CNTNAP4: variants seen among roughly 807,000 people sequenced by gnomAD.
CNTNAP4 encodes the protein contactin associated protein family member 4.
A neutral mutation model predicts 148.4 loss-of-function variants in CNTNAP4; 98 were observed. The ratio of observed to expected loss-of-function variants is 0.66; its 90% CI spans 0.56 to 0.78. The LOEUF is 0.78. CNTNAP4 is among the 30% of genes least tolerant of loss of function. CNTNAP4 has a pLI of 0.00. For synonymous variants in CNTNAP4, 730 were observed against 565.1 expected (o/e 1.29, Z -4.14); for missense variants, 1,935 against 1,565.6 (o/e 1.24, Z -3.98).
chr16:76,526,954 G>A (rs1568516054), intron 17 of CNTNAP4, among the ~76,000 whole-genome samples: 1 of 152,160 alleles, frequency 6.6e-6, no homozygotes, highest in Non-Finnish European at 1.5e-5. Flanking sequence ...GATTACAGGT[G>A]TGAGGCACCG....
At chr16:76,373,205 A>C (rs2015039415) in intron 3 of CNTNAP4, among the ~76,000 whole-genome samples, 1 of 151,768 alleles carries the variant, frequency 6.6e-6, no homozygotes, top group Non-Finnish European at 1.5e-5. Flanking sequence ...ATAGGTGAAT[A>C]TATTCCACAT....
intron 1 of CNTNAP4, among the ~76,000 whole-genome samples, chr16:76,302,335 A>T (rs1323801768): frequency 1.3e-5 from 2 of 152,176 alleles, no homozygotes; most frequent in African/African-American, 4.8e-5. Flanking sequence ...ATCTCATCTA[A>T]GGCTTGGGAT....
intron 15 of CNTNAP4, among the ~76,000 whole-genome samples, chr16:76,517,946 T>C (rs1051167987): frequency 4.6e-5 from 7 of 152,178 alleles, no homozygotes; most frequent in African/African-American, 1.7e-4. Context: ...AAAGTACTTA[T>C]AGTCCTAGCA....
chr16:76,411,293 G>T (rs889461562), intron 3 of CNTNAP4, among the ~76,000 whole-genome samples: 1 of 151,306 alleles, frequency 6.6e-6, no homozygotes, highest in Admixed American at 6.6e-5. Flanking sequence ...AAAACAATTA[G>T]CAATTTAATA....
chr16:76,433,119 A>G lies in CNTNAP4; in HGVS notation c.538+5520A>G, dbSNP rs146625141. Among the ~76,000 whole-genome samples the G allele has an allele frequency of 8.0e-3, 1,211 of 152,268 alleles. 8 individuals are homozygous for G. Among genetic ancestry groups the G allele is most frequent in the Non-Finnish European group, 0.013 (868 of 68,018 alleles). ...CTCCCAATCATGACATGCCCACGTT[A>G]TACTGGGTTGCAACCAGACATTCTT... is the stretch of plus-strand genomic sequence containing the variant. On this transcript the variant is annotated intron_variant, in intron 4 of 23. Coordinates refer to ENST00000611870, the MANE Select transcript of CNTNAP4 (RefSeq NM_033401.5).
chr16:76,516,632 A>C (rs747509991), intron 15 of CNTNAP4, among the ~76,000 whole-genome samples: 4 of 152,246 alleles, frequency 2.6e-5, no homozygotes, highest in Non-Finnish European at 5.9e-5. Context: ...CTTTATTGGT[A>C]ATAGCTGAAA....
At chr16:76,444,945 T>A (rs571955017) in intron 4 of CNTNAP4, among the ~76,000 whole-genome samples, 1 of 152,176 alleles carries the variant, frequency 6.6e-6, no homozygotes, top group Non-Finnish European at 1.5e-5. Context: ...TTCTGTACTT[T>A]GTTCCTTTCA....
At chr16:76,355,840 T>TTTTATTTATTTATTTA (rs138725617) in intron 3 of CNTNAP4, among the ~76,000 whole-genome samples, 4 of 141,718 alleles carry the variant, frequency 2.8e-5, no homozygotes, top group South Asian at 2.3e-4. Context: ...TTGCATTGTC[T>TTTTATTTATTTATTTA]TTTATTTATT....
At chr16:76,556,717 A>G (rs999003515) in intron 23 of CNTNAP4, among the ~76,000 whole-genome samples, 2 of 152,216 alleles carry the variant, frequency 1.3e-5, no homozygotes, top group Admixed American at 6.5e-5. Context: ...AAATATTCTG[A>G]TTAAAGTTAT....
intron 2 of CNTNAP4, among the ~76,000 whole-genome samples, chr16:76,317,416 A>C (rs1961910788): frequency 6.6e-6 from 1 of 152,206 alleles, no homozygotes; most frequent in African/African-American, 2.4e-5. Flanking sequence ...ACAGAATTTC[A>C]AAAACACTGT....
intron 8 of CNTNAP4, among the ~76,000 whole-genome samples, chr16:76,453,222 A>T (rs979697087): frequency 1.3e-5 from 2 of 152,222 alleles, no homozygotes; most frequent in Admixed American, 6.5e-5. Context: ...GTATGAGTGT[A>T]CAGTGTGAAT....
Position 76,498,710 on chromosome 16 carries a change from G to A in CNTNAP4, c.2365+16G>A, listed in dbSNP as rs1391875215. On this transcript the variant is annotated intron_variant, in intron 15 of 23. Coordinates refer to ENST00000611870, the MANE Select transcript of CNTNAP4 (RefSeq NM_033401.5). The stretch of plus-strand genomic sequence containing the variant: ...CAGGGAGACAGTAAGTGGTTACAAT[G>A]TGTTGAAACCGTATTTGAGAAAAGA... 1.9e-6 allele frequency: 3 copies of A among 1,587,278 alleles called. No individual in the cohort carries two copies. The highest frequency in any genetic ancestry group is 2.2e-5 in the East Asian group (1 of 44,538).
intron 2 of CNTNAP4, among the ~76,000 whole-genome samples, chr16:76,323,524 C>G (rs1962648316): frequency 6.6e-6 from 1 of 152,062 alleles, no homozygotes; most frequent in African/African-American, 2.4e-5. Context: ...CTGATATCTT[C>G]TATTAAAGTA....
chr16:76,388,057 A>G (rs981690472), intron 3 of CNTNAP4, among the ~76,000 whole-genome samples: 6 of 152,138 alleles, frequency 3.9e-5, no homozygotes, highest in Non-Finnish European at 8.8e-5. Context: ...AGGGTTTTGT[A>G]TTTTACCATC....
chr16:76,475,636 C>G (rs2081546874), intron 10 of CNTNAP4, among the ~76,000 whole-genome samples: 1 of 152,136 alleles, frequency 6.6e-6, no homozygotes, highest in African/African-American at 2.4e-5. Context: ...TTCATGTATG[C>G]TGTTGATATT....
At chr16:76,336,993 A>C (rs1053414600) in intron 2 of CNTNAP4, among the ~76,000 whole-genome samples, 22 of 152,224 alleles carry the variant, frequency 1.4e-4, no homozygotes, top group Non-Finnish European at 2.9e-5. Flanking sequence ...ATGCAGATCA[A>C]ACTAACCGCT....
intron 2 of CNTNAP4, among the ~76,000 whole-genome samples, chr16:76,334,760 A>G (rs1184834317): frequency 6.6e-6 from 1 of 152,056 alleles, no homozygotes. Flanking sequence ...GTGGCTTTGG[A>G]CGTGCAGGAA....
chr16:76,319,933 C>T (rs1017578407), intron 2 of CNTNAP4, among the ~76,000 whole-genome samples: 2 of 152,122 alleles, frequency 1.3e-5, no homozygotes, highest in South Asian at 2.1e-4. Context: ...CTACTGCAGC[C>T]CTTGAAAACA....
At chr16:76,520,213 A>G (rs935293063) in intron 15 of CNTNAP4, among the ~76,000 whole-genome samples, 2 of 152,066 alleles carry the variant, frequency 1.3e-5, no homozygotes, top group South Asian at 2.1e-4. Context: ...CTCCTCATCA[A>G]CCTCCTGTAT....
Sources: gnomAD v4.1 joint callset for allele counts (sites outside exome capture counted in the v4.1 genomes callset) on GRCh38, gnomAD v4.1.1 for gene constraint, MANE v1.5 for transcripts, NCBI Gene and HGNC (gene_info 2026-07-23, HGNC 2026-07-21) for gene names.